The following GPR157 variants were observed in gnomAD, a reference collection of about 807,000 sequenced individuals.
GPR157 encodes G protein-coupled receptor 157.
A neutral mutation model predicts 23.5 loss-of-function variants in GPR157; 16 were observed. The ratio of observed to expected loss-of-function variants is 0.68; its 90% CI spans 0.46 to 1.04. The LOEUF (loss-of-function observed/expected upper bound fraction) is 1.04. GPR157 is among the 50% of genes least tolerant of loss of function. The pLI, the probability that GPR157 is intolerant of heterozygous loss-of-function variation, is 0.00. For missense variants in GPR157, 440 were observed against 460.7 expected, an observed-to-expected ratio of 0.96 and a Z score of 0.41; for synonymous variants, 200 against 221.5, an observed-to-expected ratio of 0.90 and a Z score of 0.86.
rs74053705 is a variant in GPR157 at position 9,111,429 on chromosome 1, G to A, written c.444C>T (p.Asp148=). Residue 148 remains aspartate (D), a synonymous_variant, in exon 2 of 4, where the codon GAC becomes GAT. Coordinates refer to ENST00000377411, the MANE Select transcript of GPR157 (RefSeq NM_024980.5). The part of the protein sequence containing the change: ...AAVALKKIGY[D]ASDVSVGWCW... ...ACCAGCCCACAGACACGTCCGAGGC[G>A]TCATAGCCAATCTTCTTCAGGGCGA... The A allele has an allele frequency of 2.4e-3, 3,841 of 1,614,152 alleles. 72 individuals carry two copies. In the African/African-American group the frequency reaches 0.044, roughly 19 times the overall value.
Position 9,103,625 on chromosome 1 carries a change from G to A in GPR157, c.*794C>T, listed in dbSNP as rs575888065. Reference sequence around the variant, plus strand: ...AGCTGGAGAGACAGTGGGGTCTTCGGGGGTTCCCTGAGACGCCTCTTCCTG... The same window carrying A: ...AGCTGGAGAGACAGTGGGGTCTTCGAGGGTTCCCTGAGACGCCTCTTCCTG... On this transcript the variant is annotated 3_prime_UTR_variant, in exon 4 of 4. Coordinates refer to ENST00000377411, the MANE Select transcript of GPR157 (RefSeq NM_024980.5). 2 of 152,432 alleles carry A rather than the reference G, an allele frequency of 1.3e-5. No individual in the cohort carries two copies. The highest frequency in any genetic ancestry group is 6.5e-5 in the Admixed American group (1 of 15,304). 9.4% of individuals were successfully genotyped at this position (152,432 alleles called of 1,614,324 possible).
At position 9,102,410 on chromosome 1, in the gene GPR157, C is replaced by CAAAAAAA. The variant is rs67129142; in HGVS notation, c.*2002_*2008dup. The CAAAAAAA allele has an allele frequency of 8.0e-5, 4 of 50,144 alleles. No homozygotes were observed. The highest frequency in any genetic ancestry group is 2.2e-4 in the African/African-American group (4 of 17,860). 3.1% of individuals were successfully genotyped at this position (50,144 alleles called of 1,614,324 possible). A position where few individuals can be genotyped will look rare whatever the true frequency, so the allele number is the denominator to read the frequency against. The stretch of plus-strand genomic sequence containing the variant: ...TGGGCAATAGAGTGAGACTCCATCT[C>CAAAAAAA]AAAAAAAAAAAAAAAAAAAAAGAAA... On this transcript the variant is annotated 3_prime_UTR_variant, in exon 4 of 4. Coordinates refer to ENST00000377411, the MANE Select transcript of GPR157 (RefSeq NM_024980.5).
intron 1 of GPR157, among the ~76,000 whole-genome samples, chr1:9,115,228 A>T (rs1453044228): frequency 3.3e-5 from 5 of 152,214 alleles, no homozygotes; most frequent in Non-Finnish European, 7.3e-5. Flanking sequence ...GCATGTATGC[A>T]TGTTTACACA....
intron 1 of GPR157, 48 bp from the exon 2 acceptor site, chr1:9,111,537 C>A: frequency 1.3e-6 from 2 of 1,514,242 alleles, no homozygotes; most frequent in South Asian, 1.1e-5. Context: ...CCATGGCTCC[C>A]GGCAATGTCA....
At position 9,118,022 on chromosome 1, in the gene GPR157, G is replaced by A; in HGVS notation, c.384-6533C>T. 6.6e-6 allele frequency among the ~76,000 whole-genome samples: 1 copy of A among 152,234 alleles called. No individual in the cohort carries two copies. ...GCTCAGATGTGGGTGGCTCAGAACA[G>A]CCAATGGCTGGTGCTGTCTGCCTGT... On this transcript the variant is annotated intron_variant, in intron 1 of 3. Coordinates refer to ENST00000377411, the MANE Select transcript of GPR157 (RefSeq NM_024980.5). The surrounding 1 kb of genome is among the most constrained non-coding windows in gnomAD (Gnocchi z 4.6).
intron 1 of GPR157, among the ~76,000 whole-genome samples, chr1:9,113,066 T>C (rs530559992): frequency 9.9e-5 from 15 of 152,212 alleles, no homozygotes; most frequent in African/African-American, 3.6e-4. Context: ...CATTGTCGGG[T>C]CGTTATGAGA....
Position 9,120,876 on chromosome 1 carries a change from C to T in GPR157, c.383+7769G>A, listed in dbSNP as rs1019764975. On this transcript the variant is annotated intron_variant, in intron 1 of 3. Coordinates refer to ENST00000377411, the MANE Select transcript of GPR157 (RefSeq NM_024980.5). The surrounding 1 kb of genome is among the most constrained non-coding windows in gnomAD (Gnocchi z 4.1). ...CAGAAAACTTTTATGGGGAAATAAA[C>T]GAAACCAGTTCAATGATTGATATTT... 6.6e-6 allele frequency among the ~76,000 whole-genome samples: 1 copy of T among 152,204 alleles called. No homozygotes were observed. Among genetic ancestry groups the T allele is most frequent in the Non-Finnish European group, 1.5e-5 (1 of 68,036 alleles).
chr1:9,123,468 TTAAA>T (rs1227228188), intron 1 of GPR157, among the ~76,000 whole-genome samples: 6 of 120,150 alleles, frequency 5.0e-5, no homozygotes, highest in African/African-American at 2.0e-4. Context: ...TATATTTAAT[TTAAA>T]TATATATTTT....
chr1:9,123,506 A>AAATATATTTAATTT (rs1215596744), intron 1 of GPR157, among the ~76,000 whole-genome samples: 2 of 76,046 alleles, frequency 2.6e-5, no homozygotes, highest in East Asian at 1.3e-3. Flanking sequence ...TTATATATTC[A>AAATATATTTAATTT]AAATATATAT....
chr1:9,127,653 G>T (rs902863516), intron 1 of GPR157, among the ~76,000 whole-genome samples: 1 of 152,220 alleles, frequency 6.6e-6, no homozygotes, highest in African/African-American at 2.4e-5. Flanking sequence ...AAGGTCAAGC[G>T]ACTCTTACAG....
intron 1 of GPR157, among the ~76,000 whole-genome samples, chr1:9,121,162 G>A (rs1004452645): frequency 4.6e-5 from 7 of 151,952 alleles, no homozygotes; most frequent in Non-Finnish European, 8.8e-5. Flanking sequence ...GTAAAATCCC[G>A]TCTTTACTAA....
chr1:9,120,053 C>T lies in GPR157; in HGVS notation c.384-8564G>A, dbSNP rs925865369. ...TGTTGTGTGGTTCCTGGAACCTGTC[C>T]CCACCAGAGTCAGGGTGGGGGCACC... On this transcript the variant is annotated intron_variant, in intron 1 of 3. Coordinates refer to ENST00000377411, the MANE Select transcript of GPR157 (RefSeq NM_024980.5). This position sits in a 1 kb window ranked among gnomAD's most constrained non-coding sequence, Gnocchi z 4.1. Among the ~76,000 whole-genome samples, 4 of 152,076 alleles carry T rather than the reference C, an allele frequency of 2.6e-5. No homozygotes were observed. Among genetic ancestry groups the T allele is most frequent in the Non-Finnish European group, 4.4e-5 (3 of 68,016 alleles).
Position 9,105,398 on chromosome 1 carries a change from T to C in GPR157, c.792+88A>G, listed in dbSNP as rs1638266994. 6.4e-6 allele frequency: 8 copies of C among 1,245,038 alleles called. No homozygotes were observed. The African/African-American group carries it at 9.0e-5, about 14-fold the overall frequency. The allele number at this position is 1,245,038 out of a possible 1,614,324, so 77.1% of individuals were successfully genotyped here. A position where few individuals can be genotyped will look rare whatever the true frequency, so the allele number is the denominator to read the frequency against. ...CCTGCAGCTGTGCCTTGGCCGACACTGGGGTGCAGCCACTGTGCTGCGGGA... is the reference window on the plus strand; with the variant it reads ...CCTGCAGCTGTGCCTTGGCCGACACCGGGGTGCAGCCACTGTGCTGCGGGA... On this transcript the variant is annotated intron_variant, in intron 3 of 3. Transcript: ENST00000377411. This position sits in a 1 kb window ranked among gnomAD's most constrained non-coding sequence, Gnocchi z 4.8.
chr1:9,106,867 G>A (rs978852193), intron 2 of GPR157, among the ~76,000 whole-genome samples: 1 of 152,192 alleles, frequency 6.6e-6, no homozygotes, highest in African/African-American at 2.4e-5. Context: ...GGGAGGCTGA[G>A]GCAGGAGAAT....
chr1:9,101,303 A>C lies in GPR157; in HGVS notation c.*3116T>G, dbSNP rs192660697. 1.3e-5 allele frequency: 2 copies of C among 150,960 alleles called. No homozygotes were observed. Among genetic ancestry groups the C allele is most frequent in the Non-Finnish European group, 2.9e-5 (2 of 67,856 alleles). 9.4% of individuals were successfully genotyped at this position (150,960 alleles called of 1,614,324 possible). On this transcript the variant is annotated 3_prime_UTR_variant, in exon 4 of 4. Transcript: ENST00000377411. ...ACTCCTGACCTCAGGTGATCTGCCC[A>C]CCTTGGTCTCCCAAAGTGCTGGGAT...
Position 9,128,245 on chromosome 1 carries a change from G to A in GPR157, c.383+400C>T, listed in dbSNP as rs1048643052. 1 of 486,404 alleles carries A rather than the reference G, an allele frequency of 2.1e-6. No homozygotes were observed. Among genetic ancestry groups the A allele is most frequent in the African/African-American group, 1.9e-5 (1 of 51,374 alleles). 30.1% of individuals were successfully genotyped at this position (486,404 alleles called of 1,614,324 possible). On this transcript the variant is annotated intron_variant, in intron 1 of 3. Coordinates refer to ENST00000377411, the MANE Select transcript of GPR157 (RefSeq NM_024980.5). The surrounding 1 kb of genome is among the most constrained non-coding windows in gnomAD (Gnocchi z 6.3). ...GGTGGCGTGGGACTGGCAGTTGCCGGCTCTCCAGCCCGGGACAGTTACCTA... is the reference window on the plus strand; with the variant it reads ...GGTGGCGTGGGACTGGCAGTTGCCGACTCTCCAGCCCGGGACAGTTACCTA...
chr1:9,104,675 G>A (rs1438902042), intron 3 of GPR157, 41 bp from the exon 4 acceptor site: 2 of 1,472,672 alleles, frequency 1.4e-6, no homozygotes, highest in South Asian at 2.4e-5. Context: ...GGCTGGAGTT[G>A]GTCTCAGAAA....
intron 1 of GPR157, among the ~76,000 whole-genome samples, chr1:9,115,569 T>A (rs920788281): frequency 6.6e-6 from 1 of 152,114 alleles, no homozygotes; most frequent in Non-Finnish European, 1.5e-5. Context: ...ACTTCTTTGC[T>A]GAATCAGGTA....
At chr1:9,123,703 T>TTAAATATATATTAAATATATATTTAATA (rs1557701321) in intron 1 of GPR157, among the ~76,000 whole-genome samples, 3 of 112,868 alleles carry the variant, frequency 2.7e-5, no homozygotes, top group African/African-American at 1.1e-4. Flanking sequence ...TATATTTAAT[T>TTAAATATATATTAAATATATATTTAATA]TTAAATATGT....
Sources: allele counts gnomAD v4.1 joint callset (sites outside exome capture counted in the v4.1 genomes callset), GRCh38; gene constraint gnomAD v4.1.1; non-coding constraint Gnocchi (gnomAD v3.1); transcripts MANE v1.5; gene names NCBI Gene and HGNC (gene_info 2026-07-23, HGNC 2026-07-21).